Variants in ITPR1 observed in about 807,000 individuals in gnomAD.
ITPR1 encodes inositol 1,4,5-trisphosphate-gated calcium channel ITPR1.
Under a neutral mutation model 318.4 loss-of-function variants are expected in ITPR1, and 96 were observed. That is an observed-to-expected ratio of 0.30 (90% confidence interval 0.26 to 0.36). The LOEUF is 0.36. Ranked by LOEUF, ITPR1 falls within the 10% of genes least tolerant of loss-of-function variation. ITPR1 has a pLI of 1.00. For synonymous variants in ITPR1, 1,312 were observed against 1,289.9 expected (o/e 1.02, Z -0.37); for missense variants, 2,440 against 3,460.2 (o/e 0.71, Z 7.40).
intron 40 of ITPR1, among the ~76,000 whole-genome samples, 178 bp from the exon 41 acceptor site, chr3:4,725,368 T>A (rs975141375): frequency 6.6e-6 from 1 of 152,070 alleles, no homozygotes; most frequent in Non-Finnish European, 1.5e-5. Flanking sequence ...TCAGTTTGAT[T>A]TGAAGGTATC....
chr3:4,643,191 T>C (rs1404205848), intron 7 of ITPR1, among the ~76,000 whole-genome samples: 1 of 152,232 alleles, frequency 6.6e-6, no homozygotes, highest in Non-Finnish European at 1.5e-5. Context: ...AAACTTAGGT[T>C]TCACCAAAAG....
chr3:4,528,179 C>T lies in ITPR1; in HGVS notation c.163+7085C>T, dbSNP rs924529242. On this transcript the variant is annotated intron_variant, in intron 4 of 61. Transcript: ENST00000649015. Reference sequence around the variant, plus strand: ...GAAGTGATTTCGTCTCTCTTAGCCTCAGTTTCCCCATCTGTTAAATTGGGT... The same window carrying T: ...GAAGTGATTTCGTCTCTCTTAGCCTTAGTTTCCCCATCTGTTAAATTGGGT... 1.4e-4 allele frequency among the ~76,000 whole-genome samples: 22 copies of T among 152,220 alleles called. 1 individual carries two copies. The highest frequency in any genetic ancestry group is 5.9e-4 in the Admixed American group (9 of 15,286).
chr3:4,768,995 CAGCTCTTGGGTTCA>C lies in ITPR1; in HGVS notation c.5979+235_5979+248del, dbSNP rs569155924. Reference sequence around the variant, plus strand: ...CGTGATCTTGGCTTACTCCAACCTCCAGCTCTTGGGTTCAAGCGATTCTCCTTCCTCAGCTTCCC... The same window carrying C: ...CGTGATCTTGGCTTACTCCAACCTCCAGCGATTCTCCTTCCTCAGCTTCCC... On this transcript the variant is annotated intron_variant, in intron 46 of 61. Transcript: ENST00000649015. Among the ~76,000 whole-genome samples, 4 of 151,992 alleles carry C rather than the reference CAGCTCTTGGGTTCA, an allele frequency of 2.6e-5. No individual in the cohort carries two copies. In the East Asian group the frequency reaches 5.8e-4, roughly 22 times the overall value.
intron 4 of ITPR1, among the ~76,000 whole-genome samples, chr3:4,569,319 T>C (rs1309086478): frequency 6.6e-6 from 1 of 152,242 alleles, no homozygotes. Context: ...CCATATAAAA[T>C]ATAAAATTTG....
chr3:4,599,257 G>A (rs1203537853), intron 4 of ITPR1, among the ~76,000 whole-genome samples: 2 of 152,322 alleles, frequency 1.3e-5, no homozygotes, highest in East Asian at 3.8e-4. Context: ...CACAGAGCCT[G>A]TGTTCATGGC....
At chr3:4,840,455 T>A (rs2051261006) in intron 61 of ITPR1, among the ~76,000 whole-genome samples, 1 of 152,126 alleles carries the variant, frequency 6.6e-6, no homozygotes, top group Non-Finnish European at 1.5e-5. Context: ...ACTTAGAGGT[T>A]TTTTTTGTTT....
intron 4 of ITPR1, among the ~76,000 whole-genome samples, chr3:4,585,253 A>C (rs1048062479): frequency 6.6e-6 from 1 of 152,146 alleles, no homozygotes; most frequent in Admixed American, 6.5e-5. Context: ...TAGAAACCCA[A>C]CCAATTACCT....
chr3:4,526,671 G>A (rs2083004411), intron 4 of ITPR1, among the ~76,000 whole-genome samples: 1 of 152,256 alleles, frequency 6.6e-6, no homozygotes, highest in South Asian at 2.1e-4. Flanking sequence ...CCTATGAGGT[G>A]TAGGTCTTGA....
intron 44 of ITPR1, among the ~76,000 whole-genome samples, chr3:4,760,837 A>T (rs1274200404): frequency 1.3e-5 from 2 of 152,112 alleles, no homozygotes; most frequent in Admixed American, 6.5e-5. Flanking sequence ...GCTCCTTGTA[A>T]TTATGTTGGG....
At chr3:4,688,164 A>G (rs2094426540) in intron 30 of ITPR1, among the ~76,000 whole-genome samples, 1 of 152,064 alleles carries the variant, frequency 6.6e-6, no homozygotes, top group African/African-American at 2.4e-5. Context: ...GATTACAGGT[A>G]TGAGCCACTG....
At chr3:4,793,163 C>A (rs984856928) in intron 52 of ITPR1, among the ~76,000 whole-genome samples, 1 of 152,202 alleles carries the variant, frequency 6.6e-6, no homozygotes, top group East Asian at 1.9e-4. Flanking sequence ...TTGAAAACAA[C>A]ATTACAACTT....
intron 4 of ITPR1, among the ~76,000 whole-genome samples, chr3:4,547,462 A>G (rs567967170): frequency 1.3e-5 from 2 of 152,304 alleles, no homozygotes; most frequent in African/African-American, 4.8e-5. Context: ...TCTAGATGAC[A>G]TGGATTTGTC....
intron 4 of ITPR1, among the ~76,000 whole-genome samples, chr3:4,524,302 T>G (rs450920): frequency 0.066 from 898 of 13,504 alleles, 7 homozygotes; most frequent in African/African-American, 0.14. Context: ...TACTTTGACG[T>G]TTTTTTTTTT....
chr3:4,693,340 G>T (rs2094508636), intron 32 of ITPR1, 150 bp from the exon 33 acceptor site: 1 of 828,610 alleles, frequency 1.2e-6, no homozygotes, highest in South Asian at 1.7e-5. Context: ...TAGTTGTTCA[G>T]TTATATAAAT....
At chr3:4,796,158 A>T (rs772675857) in intron 53 of ITPR1, among the ~76,000 whole-genome samples, 1 of 152,182 alleles carries the variant, frequency 6.6e-6, no homozygotes, top group Non-Finnish European at 1.5e-5. Context: ...GACCAACTTG[A>T]AAGCGATGTT....
At chr3:4,615,147 C>G (rs973813477) in intron 4 of ITPR1, among the ~76,000 whole-genome samples, 1 of 152,170 alleles carries the variant, frequency 6.6e-6, no homozygotes, top group African/African-American at 2.4e-5. Context: ...CTGTCCCGTA[C>G]TGACACTTCT....
At chr3:4,784,461 C>T (rs921270136) in intron 51 of ITPR1, among the ~76,000 whole-genome samples, 1 of 151,990 alleles carries the variant, frequency 6.6e-6, no homozygotes, top group African/African-American at 2.4e-5. Flanking sequence ...CTCACAGGGT[C>T]CTATCAACCA....
In ITPR1 at chr3:4,766,495, T is replaced by TA. The variant is rs778577716; in HGVS notation, c.5545-34dup. 1.9e-6 allele frequency: 3 copies of TA among 1,596,762 alleles called. No individual in the cohort carries two copies. In the Admixed American group the frequency reaches 5.0e-5, roughly 27 times the overall value. ...GAGTGGGGTGCAGTTTCTGGTCAGT[T>TA]ACAGTGTTCACAATCTATGGATTTT... On this transcript the variant is annotated intron_variant, in intron 44 of 61. Coordinates refer to ENST00000649015, the MANE Select transcript of ITPR1 (RefSeq NM_001378452.1).
intron 4 of ITPR1, among the ~76,000 whole-genome samples, chr3:4,610,876 CCT>C (rs773715400): frequency 8.0e-4 from 114 of 141,996 alleles, no homozygotes; most frequent in Non-Finnish European, 1.5e-3. Flanking sequence ...CCTTTCCTTT[CCT>C]CTCTCTCCCC....
Sources: allele counts gnomAD v4.1 joint callset (sites outside exome capture counted in the v4.1 genomes callset), GRCh38; gene constraint gnomAD v4.1.1; transcripts MANE v1.5; gene names NCBI Gene and HGNC (gene_info 2026-07-23, HGNC 2026-07-21).